TTC23L: variants seen among roughly 807,000 people sequenced by gnomAD.
TTC23L encodes tetratricopeptide repeat protein 23-like.
TTC23L carries 42 observed loss-of-function variants against 48.1 expected under a neutral mutation model. The observed-to-expected ratio is 0.87, with a 90% CI of 0.68 to 1.13. The LOEUF (loss-of-function observed/expected upper bound fraction) is 1.13, where lower values mean the gene tolerates loss of function less well. TTC23L is among the 50% of genes most tolerant of loss of function. The probability of loss-of-function intolerance (pLI) is 0.00; values close to 1 mark genes in which losing one functional copy is unlikely to be tolerated. For missense variants in TTC23L, 391 were observed against 421.0 expected, an observed-to-expected ratio of 0.93 and a Z score of 0.62; for synonymous variants, 159 against 157.2, an observed-to-expected ratio of 1.01 and a Z score of -0.09.
chr5:34,911,852 G>A, the TTC23L span: 88 of 1,587,378 alleles, frequency 5.5e-5, no homozygotes, highest in Admixed American at 1.5e-4. Flanking sequence ...TAGCTTTATA[G>A]TTCTGGGTTC....
chr5:34,840,386 A>T lies in TTC23L; in HGVS notation c.-7-279A>T, dbSNP rs183915374. 2.6e-5 allele frequency among the ~76,000 whole-genome samples: 4 copies of T among 152,342 alleles called. No homozygotes were observed. The East Asian group carries it at 7.7e-4, about 29-fold the overall frequency. On this transcript the variant is annotated intron_variant, in intron 1 of 10. Transcript: ENST00000505624. Reference sequence around the variant, plus strand: ...TAGGTGACCATAGTTTTGATGACCCAGGAACTGTAAATGTGCTTGCTTTGA... The same window carrying T: ...TAGGTGACCATAGTTTTGATGACCCTGGAACTGTAAATGTGCTTGCTTTGA...
At chr5:34,886,374 A>AC (rs916667664) in intron 9 of TTC23L, among the ~76,000 whole-genome samples, 2 of 151,770 alleles carry the variant, frequency 1.3e-5, no homozygotes, top group South Asian at 2.1e-4. Context: ...AAAAAAAAAA[A>AC]AAAAAAAAAC....
At chr5:34,861,778 G>A (rs1359024547) in intron 4 of TTC23L, among the ~76,000 whole-genome samples, 4 of 152,178 alleles carry the variant, frequency 2.6e-5, no homozygotes, top group East Asian at 1.9e-4. Flanking sequence ...GAGGATTAGG[G>A]GCACAGTGGC....
intron 9 of TTC23L, among the ~76,000 whole-genome samples, chr5:34,895,733 G>A (rs189754437): frequency 3.3e-5 from 5 of 152,242 alleles, no homozygotes; most frequent in Admixed American, 3.3e-4. Flanking sequence ...GTGGAGATGG[G>A]GATTTGGGAG....
chr5:34,845,860 T>C, intron 3 of TTC23L, 187 bp downstream of exon 3: 1 of 621,692 alleles, frequency 1.6e-6, no homozygotes, highest in Non-Finnish European at 2.7e-6. Context: ...CATGCATGGT[T>C]CATTGTCTGT....
At chr5:34,909,001 G>A in the TTC23L span, 1 of 1,412,044 alleles carries the variant, frequency 7.1e-7, no homozygotes, top group East Asian at 2.3e-5. Flanking sequence ...ACACTGCTCA[G>A]AACTCCCAAG....
chr5:34,910,505 G>A, the TTC23L span, among the ~76,000 whole-genome samples: 8,121 of 150,922 alleles, frequency 0.054, 307 homozygotes, highest in South Asian at 0.11. Context: ...TCAGCTCACC[G>A]CAACCTCCAC....
At chr5:34,922,426 T>C in the TTC23L span, 4 of 913,164 alleles carry the variant, frequency 4.4e-6, no homozygotes, top group Non-Finnish European at 5.1e-6. Flanking sequence ...ACTTGATACC[T>C]TTAAAGAAAA....
intron 9 of TTC23L, among the ~76,000 whole-genome samples, chr5:34,896,244 G>A (rs1436725491): frequency 1.3e-5 from 2 of 152,220 alleles, no homozygotes; most frequent in African/African-American, 4.8e-5. Flanking sequence ...CACGCCCACA[G>A]AAATGGTCTG....
At chr5:34,894,618 G>A (rs1483688930) in intron 9 of TTC23L, among the ~76,000 whole-genome samples, 2 of 152,158 alleles carry the variant, frequency 1.3e-5, no homozygotes, top group East Asian at 3.8e-4. Context: ...TATGGTATAT[G>A]TGTCAAATAT....
exon 9 of TTC23L, chr5:34,880,183 G>A: frequency 6.2e-7 from 1 of 1,605,562 alleles, no homozygotes; most frequent in Admixed American, 1.7e-5. Context: ...TTTTCCAGAT[G>A]CTGTTGAGAT....
At chr5:34,844,590 CTATT>C (rs1412694208) in intron 2 of TTC23L, among the ~76,000 whole-genome samples, 2 of 151,736 alleles carry the variant, frequency 1.3e-5, no homozygotes, top group Non-Finnish European at 2.9e-5. Context: ...TGAACATTCA[CTATT>C]TAAGCAATCA....
In TTC23L at chr5:34,896,841, C is replaced by T. The variant is rs900438070; in HGVS notation, c.*63C>T. 27 of 735,748 alleles carry T rather than the reference C, an allele frequency of 3.7e-5. No homozygotes were observed. The South Asian group carries it at 3.9e-4, about 11-fold the overall frequency. The allele number at this position is 735,748 out of a possible 1,614,324, so 45.6% of individuals were successfully genotyped here. On this transcript the variant is annotated 3_prime_UTR_variant, in exon 10 of 11. Transcript: ENST00000505624. ...AGAAGGAACTCTACATACAAAGGCA[C>T]AGAAGCATGACAGAGGGCAGTGTAT... is the stretch of plus-strand genomic sequence containing the variant.
At chr5:34,841,605 C>T (rs1758679215) in intron 2 of TTC23L, among the ~76,000 whole-genome samples, 2 of 152,186 alleles carry the variant, frequency 1.3e-5, no homozygotes, top group Non-Finnish European at 2.9e-5. Flanking sequence ...GCAGCCTTGG[C>T]CTCTTAGGCT....
chr5:34,859,654 A>C (rs1760418583), intron 4 of TTC23L, among the ~76,000 whole-genome samples: 1 of 152,116 alleles, frequency 6.6e-6, no homozygotes, highest in African/African-American at 2.4e-5. Context: ...CCTCACAAGA[A>C]GCTGGCGTCT....
At chr5:34,866,451 A>AT (rs1023457121) in intron 6 of TTC23L, among the ~76,000 whole-genome samples, 15 of 151,534 alleles carry the variant, frequency 9.9e-5, no homozygotes, top group Non-Finnish European at 1.8e-4. Flanking sequence ...GAATATTTAC[A>AT]TTTTTTTTTC....
At chr5:34,920,734 C>T in the TTC23L span, 1 of 152,038 alleles carries the variant, frequency 6.6e-6, no homozygotes, top group Non-Finnish European at 1.5e-5. Flanking sequence ...GGTAAAAGAC[C>T]ATCTAGCTAG....
At chr5:34,848,403 T>TA (rs1200884502) in intron 3 of TTC23L, among the ~76,000 whole-genome samples, 3 of 152,212 alleles carry the variant, frequency 2.0e-5, no homozygotes, top group African/African-American at 7.2e-5. Context: ...TTGAATGTGT[T>TA]ACACCTGTGT....
the TTC23L span, chr5:34,924,859 G>A: frequency 5.0e-6 from 8 of 1,603,930 alleles, no homozygotes; most frequent in Non-Finnish European, 6.8e-6. Flanking sequence ...CATAGAAGAA[G>A]ATGCTGCTCT....
Sources: gnomAD v4.1 joint callset for allele counts (sites outside exome capture counted in the v4.1 genomes callset) on GRCh38, gnomAD v4.1.1 for gene constraint, MANE v1.5 for transcripts, NCBI Gene and HGNC (gene_info 2026-07-23, HGNC 2026-07-21) for gene names.